CNN1: variants seen among roughly 807,000 people sequenced by gnomAD.
The protein encoded by CNN1 is calponin 1.
A neutral mutation model predicts 35.3 loss-of-function variants in CNN1; 21 were observed. The observed-to-expected ratio is 0.60, with a 90% CI of 0.42 to 0.86. The LOEUF (loss-of-function observed/expected upper bound fraction) is 0.86, where lower values mean the gene tolerates loss of function less well. Among genes scored for constraint, CNN1 ranks in the 40% least tolerant of loss-of-function variants. The pLI, the probability that CNN1 is intolerant of heterozygous loss-of-function variation, is 0.00. For synonymous variants in CNN1, 164 were observed against 161.8 expected (o/e 1.01, Z -0.10); for missense variants, 314 against 400.8 (o/e 0.78, Z 1.85).
chr19:11,545,013 A>G (rs948813624), intron 2 of CNN1, among the ~76,000 whole-genome samples: 1 of 152,030 alleles, frequency 6.6e-6, no homozygotes, highest in East Asian at 1.9e-4. Context: ...AACCTGACCA[A>G]CATGGTGAAA....
intron 4 of CNN1, 28 bp from the exon 5 acceptor site, chr19:11,547,769 C>T: frequency 1.3e-6 from 2 of 1,595,020 alleles, no homozygotes; most frequent in Non-Finnish European, 1.7e-6. Context: ...GCCCCCTTGT[C>T]AGTCCCTGCT....
chr19:11,543,966 A>G (rs1197392738), intron 2 of CNN1, among the ~76,000 whole-genome samples: 1 of 151,628 alleles, frequency 6.6e-6, no homozygotes, highest in African/African-American at 2.4e-5. Flanking sequence ...TCATTCACTC[A>G]TTCATTCATT....
At chr19:11,547,452 T>G (rs1339372649) in intron 4 of CNN1, among the ~76,000 whole-genome samples, 1 of 151,554 alleles carries the variant, frequency 6.6e-6, no homozygotes, top group Non-Finnish European at 1.5e-5. Context: ...GGCTCACGCC[T>G]GTAATCCCAG....
intron 2 of CNN1, among the ~76,000 whole-genome samples, chr19:11,543,655 C>T (rs1216741488): frequency 1.3e-5 from 2 of 151,360 alleles, no homozygotes; most frequent in East Asian, 3.9e-4. Context: ...TGGTGGCAGG[C>T]GCTTGTAGTC....
intron 4 of CNN1, 83 bp downstream of exon 4, chr19:11,547,052 A>G (rs1972604313): frequency 1.9e-6 from 3 of 1,585,608 alleles, no homozygotes. Context: ...TCCTGAGCCC[A>G]GTGAAGGTGG....
At chr19:11,539,944 C>G in intron 1 of CNN1, 2 of 1,112,660 alleles carry the variant, frequency 1.8e-6, no homozygotes, top group Non-Finnish European at 2.2e-6. Flanking sequence ...CTCGGGGAGC[C>G]CGGGCCACGC....
chr19:11,547,845 A>C lies in CNN1; in HGVS notation c.439A>C (p.Lys147Gln), dbSNP rs1489716865. 4 of 1,614,032 alleles carry C rather than the reference A, an allele frequency of 2.5e-6. No homozygotes were observed. Reference protein sequence around the residue: ...KVNVGVKYAEKQERKFEPGKL... With the variant: ...KVNVGVKYAEQQERKFEPGKL... ...GAACGTGGGAGTGAAGTACGCAGAG[A>C]AGCAGGAGCGGAAATTCGAGCCGGG... The change falls in exon 5 of 7, where the codon AAG becomes CAG. Residue 147 changes from lysine (K) to glutamine (Q), a missense_variant. Physicochemically the swap from Lys to Gln is moderately conservative, Grantham distance 53. Coordinates refer to ENST00000252456, the MANE Select transcript of CNN1 (RefSeq NM_001299.6).
Position 11,549,758 on chromosome 19 carries a change from A to T in CNN1, c.857A>T (p.His286Leu), listed in dbSNP as rs749066124. 1.5e-5 allele frequency: 24 copies of T among 1,613,582 alleles called. No homozygotes were observed. Among genetic ancestry groups the T allele is most frequent in the Non-Finnish European group, 5.9e-6 (7 of 1,179,764 alleles). The change falls in exon 7 of 7, where the codon CAC becomes CTC. Residue 286 changes from histidine to leucine, a missense_variant. Transcript: ENST00000252456. The surrounding 1 kb of genome is among the most constrained non-coding windows in gnomAD (Gnocchi z 5.2). Reference sequence around the variant, plus strand: ...TACCCAGAGCTGGGTGAGCCCGCCCACAACCACCACGCACACAACTACTAC... The same window carrying T: ...TACCCAGAGCTGGGTGAGCCCGCCCTCAACCACCACGCACACAACTACTAC... ...PEYPELGEPA[H>L]NHHAHNYYNS...
rs1972399799 is a variant in CNN1, at chr19:11,538,979, G to T, written c.52G>T (p.Val18Phe). 2 of 1,596,272 alleles carry T rather than the reference G, an allele frequency of 1.3e-6. No individual in the cohort carries two copies. Among genetic ancestry groups the T allele is most frequent in the Non-Finnish European group, 1.7e-6 (2 of 1,169,920 alleles). ...CCCTGCCTACGGGCTGTCAGCCGAG[G>T]TTAAGAACAAGGTAGGGCTGGAGGG... is the stretch of plus-strand genomic sequence containing the variant. ...RGPAYGLSAE[V>F]KNKLAQKYDH... is the part of the protein sequence containing the mutation. Residue 18 changes from valine (V) to phenylalanine (F), a missense_variant, in exon 1 of 7, where the codon GTT (valine) becomes TTT (phenylalanine). Val to Phe is a conservative substitution (Grantham distance 50). Coordinates refer to ENST00000252456, the MANE Select transcript of CNN1 (RefSeq NM_001299.6).
intron 1 of CNN1, chr19:11,540,045 T>TC: frequency 1.1e-6 from 1 of 934,452 alleles, no homozygotes; most frequent in Non-Finnish European, 1.3e-6. Flanking sequence ...CCCTCCCACC[T>TC]CCCCCCACTC....
chr19:11,538,944 T>A lies in CNN1; in HGVS notation c.17T>A (p.Phe6Tyr). The A allele has an allele frequency of 6.3e-7, 1 of 1,594,504 alleles. No individual in the cohort carries two copies. Among genetic ancestry groups the A allele is most frequent in the Non-Finnish European group, 8.6e-7 (1 of 1,169,050 alleles). Residue 6 changes from phenylalanine (F) to tyrosine (Y), a missense_variant, in exon 1 of 7, where the codon TTC (phenylalanine) becomes TAC (tyrosine). Transcript: ENST00000252456. The part of the protein sequence containing the change: MSSAH[F>Y]NRGPAYGLSA... ...CCGGCCAGCATGTCCTCTGCTCACT[T>A]CAACCGAGGCCCTGCCTACGGGCTG...
rs372635374 is a variant in CNN1 at position 11,549,841 on chromosome 19, G to A, written c.*46G>A. On this transcript the variant is annotated 3_prime_UTR_variant, in exon 7 of 7. Coordinates refer to ENST00000252456, the MANE Select transcript of CNN1 (RefSeq NM_001299.6). The surrounding 1 kb of genome is among the most constrained non-coding windows in gnomAD (Gnocchi z 5.2). ...TTTCCCCCCAAGGGAGGCTGCTGCTGCTCTTGGCTGGACCCAGCCAGGCCC... is the reference window on the plus strand; with the variant it reads ...TTTCCCCCCAAGGGAGGCTGCTGCTACTCTTGGCTGGACCCAGCCAGGCCC... 2.6e-5 allele frequency: 40 copies of A among 1,563,628 alleles called. No individual in the cohort carries two copies. The highest frequency in any genetic ancestry group is 3.2e-5 in the Non-Finnish European group (37 of 1,150,882).
At chr19:11,539,967 G>T (rs1236930008) in intron 1 of CNN1, 14 of 1,075,304 alleles carry the variant, frequency 1.3e-5, no homozygotes, top group African/African-American at 3.5e-5. Flanking sequence ...TATAAGGGCC[G>T]GTTTGCTTTA....
Position 11,549,217 on chromosome 19 carries a change from T to C in CNN1, c.502-106T>C, listed in dbSNP as rs1972658444. On this transcript the variant is annotated intron_variant, in intron 5 of 6. Transcript: ENST00000252456. The surrounding 1 kb of genome is among the most constrained non-coding windows in gnomAD (Gnocchi z 5.2). ...AAAAATAAATAAAATAAAATAAAAA[T>C]TGAAAAAAATGATAAAGCGGCGCCT... 4.8e-6 allele frequency: 6 copies of C among 1,240,878 alleles called. No homozygotes were observed. Among genetic ancestry groups the C allele is most frequent in the Non-Finnish European group, 6.5e-6 (6 of 917,220 alleles). 76.9% of individuals were successfully genotyped at this position (1,240,878 alleles called of 1,614,324 possible).
chr19:11,543,272 C>A (rs1262063692), intron 2 of CNN1, among the ~76,000 whole-genome samples: 1 of 151,490 alleles, frequency 6.6e-6, no homozygotes, highest in Non-Finnish European at 1.5e-5. Flanking sequence ...ATCGCTTGAG[C>A]CCTGGAGGTC....
intron 2 of CNN1, among the ~76,000 whole-genome samples, chr19:11,544,586 C>G (rs558816441): frequency 1.1e-4 from 17 of 152,058 alleles, no homozygotes; most frequent in Admixed American, 6.6e-4. Flanking sequence ...ATCCTCCCAC[C>G]CCAGCCTCTT....
intron 1 of CNN1, chr19:11,539,296 G>A: frequency 8.6e-7 from 1 of 1,157,176 alleles, no homozygotes; most frequent in South Asian, 2.7e-5. Flanking sequence ...ACAACATAGG[G>A]GGAAGACTTG....
intron 1 of CNN1, chr19:11,539,870 C>T: frequency 8.6e-7 from 1 of 1,163,110 alleles, no homozygotes; most frequent in South Asian, 1.6e-5. Context: ...CGCCCTCCTC[C>T]CCCCCAGCGC....
rs1599600973 is a variant in CNN1, at chr19:11,539,421, G to A, written c.63+431G>A. ...GAGATCCTGAAGACAGAGGGGGACGGTGAAAGGCAGGAAGCGGGCATCAGA... is the reference window on the plus strand; with the variant it reads ...GAGATCCTGAAGACAGAGGGGGACGATGAAAGGCAGGAAGCGGGCATCAGA... On this transcript the variant is annotated intron_variant, in intron 1 of 6. Coordinates refer to ENST00000252456, the MANE Select transcript of CNN1 (RefSeq NM_001299.6). The A allele has an allele frequency of 4.6e-6, 5 of 1,075,330 alleles. No individual in the cohort carries two copies. The East Asian group carries it at 5.2e-4, about 112-fold the overall frequency. The allele number at this position is 1,075,330 out of a possible 1,614,324, so 66.6% of individuals were successfully genotyped here.
Sources: allele counts gnomAD v4.1 joint callset (sites outside exome capture counted in the v4.1 genomes callset), GRCh38; gene constraint gnomAD v4.1.1; non-coding constraint Gnocchi (gnomAD v3.1); transcripts MANE v1.5; gene names NCBI Gene and HGNC (gene_info 2026-07-23, HGNC 2026-07-21).